The following FBXL13 variants were observed in gnomAD, a reference collection of about 807,000 sequenced individuals.
FBXL13 encodes F-box and leucine-rich repeat protein 13.
FBXL13 carries 67 observed loss-of-function variants against 83.6 expected under a neutral mutation model. The ratio of observed to expected loss-of-function variants is 0.80; its 90% CI spans 0.66 to 0.98. The LOEUF (loss-of-function observed/expected upper bound fraction) is 0.98. Among genes scored for constraint, FBXL13 ranks in the 50% least tolerant of loss-of-function variants. The pLI, the probability that FBXL13 is intolerant of heterozygous loss-of-function variation, is 0.00. For synonymous variants in FBXL13, 272 were observed against 299.5 expected, an observed-to-expected ratio of 0.91 and a Z score of 0.95; for missense variants, 822 against 866.5, an observed-to-expected ratio of 0.95 and a Z score of 0.64.
chr7:102,949,927 G>A (rs1377458339), intron 8 of FBXL13, among the ~76,000 whole-genome samples: 3 of 151,976 alleles, frequency 2.0e-5, no homozygotes, highest in Non-Finnish European at 4.4e-5. Context: ...CCAACATGGC[G>A]AAATCCCGTC....
chr7:102,821,537 A>C (rs1241467315), intron 19 of FBXL13, among the ~76,000 whole-genome samples: 1 of 152,170 alleles, frequency 6.6e-6, no homozygotes, highest in African/African-American at 2.4e-5. Context: ...GATAATATTA[A>C]TTCATAGTAT....
chr7:102,933,957 C>G (rs376246276), intron 8 of FBXL13: 2 of 1,613,318 alleles, frequency 1.2e-6, no homozygotes, highest in Non-Finnish European at 1.7e-6. Context: ...TTTTGCAAAG[C>G]GGCTGAGCTG....
intron 17 of FBXL13, 90 bp from the exon 19 acceptor site, chr7:102,833,064 TC>T: frequency 7.4e-7 from 1 of 1,353,770 alleles, no homozygotes; most frequent in East Asian, 2.4e-5. Context: ...TACATTTCAG[TC>T]CCTGAAATAC....
At chr7:102,983,437 T>TTTTTG in intron 6 of FBXL13, among the ~76,000 whole-genome samples, 1 of 151,096 alleles carries the variant, frequency 6.6e-6, no homozygotes, top group Non-Finnish European at 1.5e-5. Flanking sequence ...TTTTTTTTTT[T>TTTTTG]TGAGTGGGGT....
intron 8 of FBXL13, 45 bp from the exon 10 acceptor site, chr7:102,931,978 G>A: frequency 1.3e-6 from 2 of 1,577,024 alleles, no homozygotes; most frequent in South Asian, 1.1e-5. Context: ...TATTGCAAAT[G>A]TTTAAACAAA....
intron 11 of FBXL13, among the ~76,000 whole-genome samples, chr7:102,902,913 A>G (rs1042762641): frequency 2.0e-5 from 3 of 151,274 alleles, no homozygotes; most frequent in Admixed American, 2.0e-4. Flanking sequence ...CTGGGTCTTT[A>G]GTCGTTCCAT....
intron 16 of FBXL13, among the ~76,000 whole-genome samples, chr7:102,859,067 G>A (rs570500890): frequency 4.8e-4 from 73 of 152,274 alleles, no homozygotes; most frequent in African/African-American, 1.7e-3. Flanking sequence ...ATAAAACTCA[G>A]AAAATATTCC....
chr7:102,913,167 G>C, exon 11 of FBXL13: 1 of 1,614,158 alleles, frequency 6.2e-7, no homozygotes, highest in Non-Finnish European at 8.5e-7. Context: ...CTTTGTCTGT[G>C]AACCGTCTGC....
chr7:102,870,031 AT>A (rs373536835), intron 16 of FBXL13, among the ~76,000 whole-genome samples: 7 of 152,190 alleles, frequency 4.6e-5, no homozygotes, highest in African/African-American at 1.7e-4. Context: ...TTAGTAGTAG[AT>A]TTTTTGGCTA....
chr7:102,826,539 C>T (rs989382770), intron 18 of FBXL13, among the ~76,000 whole-genome samples: 3 of 150,952 alleles, frequency 2.0e-5, no homozygotes, highest in Non-Finnish European at 4.4e-5. Flanking sequence ...AGTTTGAAAT[C>T]AGCCTGGGCA....
At chr7:102,839,904 T>C (rs1405952290) in intron 17 of FBXL13, among the ~76,000 whole-genome samples, 1 of 152,112 alleles carries the variant, frequency 6.6e-6, no homozygotes, top group Non-Finnish European at 1.5e-5. Context: ...GAACTTTCAA[T>C]ATTTTCTTGT....
chr7:103,016,278 T>C (rs891707103), intron 6 of FBXL13, among the ~76,000 whole-genome samples: 1 of 117,138 alleles, frequency 8.5e-6, no homozygotes. Flanking sequence ...AAGGCTATGG[T>C]AACCAAAACA....
chr7:102,857,969 A>C (rs529783831), intron 16 of FBXL13, among the ~76,000 whole-genome samples: 2 of 152,332 alleles, frequency 1.3e-5, no homozygotes, highest in African/African-American at 4.8e-5. Flanking sequence ...AAAGGAAAGG[A>C]ACTCAGTATA....
chr7:102,825,933 T>C (rs1157769974), intron 18 of FBXL13, among the ~76,000 whole-genome samples: 1 of 152,156 alleles, frequency 6.6e-6, no homozygotes, highest in Non-Finnish European at 1.5e-5. Flanking sequence ...TTACCCGAGA[T>C]TGCCACAGAA....
chr7:103,053,854 A>G (rs1039615815), intron 2 of FBXL13, among the ~76,000 whole-genome samples: 1 of 152,192 alleles, frequency 6.6e-6, no homozygotes, highest in African/African-American at 2.4e-5. Flanking sequence ...GATGGGATAC[A>G]TGGGTTCTGC....
chr7:102,983,421 C>CTTTTTTTTTTT (rs151066223), intron 6 of FBXL13, among the ~76,000 whole-genome samples: 1 of 145,444 alleles, frequency 6.9e-6, no homozygotes, highest in African/African-American at 2.6e-5. Context: ...TCTTTTTTCC[C>CTTTTTTTTTTT]CTTTTTTTTT....
At chr7:103,026,984 AATT>A (rs1190791026) in intron 5 of FBXL13, among the ~76,000 whole-genome samples, 3 of 152,314 alleles carry the variant, frequency 2.0e-5, no homozygotes, top group South Asian at 4.1e-4. Context: ...GTAAATTTTA[AATT>A]ATTAAGTTAA....
chr7:102,849,575 T>G (rs140589903), intron 17 of FBXL13, among the ~76,000 whole-genome samples: 83 of 152,386 alleles, frequency 5.4e-4, no homozygotes, highest in African/African-American at 1.9e-3. Flanking sequence ...GCATTCTTTA[T>G]AAAGTGCAGA....
intron 15 of FBXL13, 100 bp downstream of exon 16, chr7:102,878,231 C>A: frequency 9.6e-7 from 1 of 1,037,422 alleles, no homozygotes; most frequent in Non-Finnish European, 1.3e-6. Flanking sequence ...CTCTGATGTT[C>A]CCCCAAATGT....
Sources: allele counts gnomAD v4.1 joint callset (sites outside exome capture counted in the v4.1 genomes callset), GRCh38; gene constraint gnomAD v4.1.1; transcripts MANE v1.5; gene names NCBI Gene and HGNC (gene_info 2026-07-23, HGNC 2026-07-21).